Variants in C1orf105 observed in about 807,000 individuals in gnomAD.
C1orf105 encodes chromosome 1 open reading frame 105, also known as uncharacterized protein C1orf105.
In C1orf105, 17 loss-of-function variants were observed where a neutral mutation model predicts 20.8. The ratio of observed to expected loss-of-function variants is 0.82; its 90% CI spans 0.56 to 1.23. The LOEUF is 1.23. Among genes scored for constraint, C1orf105 ranks in the 50% most tolerant of loss-of-function variants. The probability of loss-of-function intolerance (pLI) is 0.00; values close to 1 mark genes in which losing one functional copy is unlikely to be tolerated. For missense variants in C1orf105, 219 were observed against 213.5 expected, an observed-to-expected ratio of 1.03 and a Z score of -0.16; for synonymous variants, 72 against 72.1, an observed-to-expected ratio of 1.00 and a Z score of 0.01.
At chr1:172,442,515 C>T (rs759018627) in intron 1 of C1orf105, 1 of 1,614,230 alleles carries the variant, frequency 6.2e-7, no homozygotes, top group Admixed American at 1.7e-5. Flanking sequence ...TTTTCCGGAG[C>T]TCTTCCAGGA....
chr1:172,464,603 C>A (rs564184525), intron 5 of C1orf105, among the ~76,000 whole-genome samples: 25 of 150,686 alleles, frequency 1.7e-4, no homozygotes, highest in African/African-American at 5.6e-4. Context: ...GTTTTCTCAG[C>A]TTTACTCTTT....
At chr1:172,428,755 C>T (rs2071786965) in intron 1 of C1orf105, 1 of 682,864 alleles carries the variant, frequency 1.5e-6, no homozygotes, top group Non-Finnish European at 2.6e-6. Flanking sequence ...ATAATGTCAG[C>T]TCTACTAGGT....
intron 3 of C1orf105, among the ~76,000 whole-genome samples, chr1:172,451,914 C>A (rs1648693635): frequency 7.4e-6 from 1 of 135,882 alleles, no homozygotes; most frequent in East Asian, 2.3e-4. Context: ...CTCTGTTGCC[C>A]CAGGCTGGAG....
At chr1:172,462,411 A>G (rs1252875492) in intron 5 of C1orf105, among the ~76,000 whole-genome samples, 166 bp downstream of exon 5, 1 of 152,246 alleles carries the variant, frequency 6.6e-6, no homozygotes, top group African/African-American at 2.4e-5. Flanking sequence ...AGATCAAAAA[A>G]GAAAGTTCAC....
intron 1 of C1orf105, among the ~76,000 whole-genome samples, chr1:172,422,224 C>T (rs537514286): frequency 6.6e-6 from 1 of 152,288 alleles, no homozygotes; most frequent in East Asian, 1.9e-4. Context: ...AAAAGGGACT[C>T]CTTCCTTTGC....
intron 3 of C1orf105, among the ~76,000 whole-genome samples, chr1:172,453,980 G>A (rs540972898): frequency 6.6e-6 from 1 of 152,290 alleles, no homozygotes; most frequent in African/African-American, 2.4e-5. Flanking sequence ...CACATTTACA[G>A]TTGTCATTAA....
At chr1:172,462,272 T>TAACAA in intron 5 of C1orf105, 27 bp downstream of exon 5, 1 of 1,534,354 alleles carries the variant, frequency 6.5e-7, no homozygotes, top group Non-Finnish European at 8.9e-7. Context: ...AATCAGGACA[T>TAACAA]GACTTAATTC....
chr1:172,442,733 G>A lies in C1orf105; in HGVS notation c.22-2340G>A, dbSNP rs1361980755. The A allele has an allele frequency of 9.8e-6, 9 of 915,938 alleles. No individual in the cohort carries two copies. In the South Asian group the frequency reaches 1.4e-4, roughly 15 times the overall value. 56.7% of individuals were successfully genotyped at this position (915,938 alleles called of 1,614,324 possible). A position where few individuals can be genotyped will look rare whatever the true frequency, so the allele number is the denominator to read the frequency against. ...GAGACCTCCCTGGAAATTCCATGCT[G>A]TGTTGATGTTCTACCAACCTTTCCT... On this transcript the variant is annotated intron_variant, in intron 1 of 6. Transcript: ENST00000367727.
At chr1:172,451,781 AG>A (rs1326072468) in intron 3 of C1orf105, among the ~76,000 whole-genome samples, 3 of 151,260 alleles carry the variant, frequency 2.0e-5, no homozygotes, top group African/African-American at 4.9e-5. Flanking sequence ...TAATATCATA[AG>A]GTTTTTTTTG....
intron 3 of C1orf105, among the ~76,000 whole-genome samples, chr1:172,451,376 T>TA (rs1648616529): frequency 6.6e-6 from 1 of 152,228 alleles, no homozygotes; most frequent in South Asian, 2.1e-4. Context: ...AAGCCCTGGC[T>TA]AAAAAGACTG....
chr1:172,440,704 C>G (rs1185016505), intron 1 of C1orf105, among the ~76,000 whole-genome samples: 1 of 152,114 alleles, frequency 6.6e-6, no homozygotes, highest in Non-Finnish European at 1.5e-5. Flanking sequence ...ATCATTGTGC[C>G]CATGCTAAGG....
chr1:172,468,823 A>G lies in C1orf105; in HGVS notation c.*229A>G, dbSNP rs186208643. On this transcript the variant is annotated 3_prime_UTR_variant, in exon 7 of 7. Transcript: ENST00000367727. ...ATGATTATAAAGATCTGTTTATGAA[A>G]ATGGAACATGGTAACTGTCTCTCAT... 1 of 365,828 alleles carries G rather than the reference A, an allele frequency of 2.7e-6. No homozygotes were observed. Among genetic ancestry groups the G allele is most frequent in the Admixed American group, 4.2e-5 (1 of 23,880 alleles). 22.7% of individuals were successfully genotyped at this position (365,828 alleles called of 1,614,324 possible). A position where few individuals can be genotyped will look rare whatever the true frequency, so the allele number is the denominator to read the frequency against.
chr1:172,449,039 G>A (rs888470967), intron 3 of C1orf105, among the ~76,000 whole-genome samples: 1 of 152,168 alleles, frequency 6.6e-6, no homozygotes, highest in Non-Finnish European at 1.5e-5. Context: ...GGTGGAGAAA[G>A]AGAGAAAATA....
At chr1:172,421,316 C>G (rs887899605) in intron 1 of C1orf105, among the ~76,000 whole-genome samples, 2 of 151,802 alleles carry the variant, frequency 1.3e-5, no homozygotes, top group Non-Finnish European at 2.9e-5. Context: ...GTTAAGATTG[C>G]TGAGAAAGAA....
chr1:172,443,211 T>A (rs1459019903), intron 1 of C1orf105: 1 of 167,702 alleles, frequency 6.0e-6, no homozygotes, highest in Non-Finnish European at 1.5e-5. Context: ...CCAAAGCCTG[T>A]GTCTCACATT....
At chr1:172,446,370 G>C (rs1648002428) in intron 2 of C1orf105, among the ~76,000 whole-genome samples, 1 of 152,184 alleles carries the variant, frequency 6.6e-6, no homozygotes, top group Admixed American at 6.5e-5. Flanking sequence ...ACAGGCCCAT[G>C]ACAGTCAGAT....
chr1:172,448,636 C>A, intron 3 of C1orf105, 105 bp downstream of exon 3: 1 of 671,368 alleles, frequency 1.5e-6, no homozygotes, highest in Non-Finnish European at 2.7e-6. Flanking sequence ...CTTGGTACAC[C>A]ATCAATGTTC....
intron 2 of C1orf105, among the ~76,000 whole-genome samples, chr1:172,448,216 G>GTTAGT (rs1168848425): frequency 1.3e-5 from 2 of 152,180 alleles, no homozygotes; most frequent in African/African-American, 4.8e-5. Flanking sequence ...TACAGTGTCT[G>GTTAGT]ACAATCCAAA....
chr1:172,439,184 C>T (rs867436976), intron 1 of C1orf105, among the ~76,000 whole-genome samples: 4 of 152,088 alleles, frequency 2.6e-5, no homozygotes, highest in Middle Eastern at 3.2e-3. Context: ...ATGGTATACA[C>T]ACTTTGTGTG....
Sources: gnomAD v4.1 joint callset for allele counts (sites outside exome capture counted in the v4.1 genomes callset) on GRCh38, gnomAD v4.1.1 for gene constraint, MANE v1.5 for transcripts, NCBI Gene and HGNC (gene_info 2026-07-23, HGNC 2026-07-21) for gene names.